RBFOX1: variants seen among roughly 807,000 people sequenced by gnomAD.
RBFOX1 encodes RNA binding protein fox-1 homolog 1.
A neutral mutation model predicts 57.7 loss-of-function variants in RBFOX1; 8 were observed. The observed-to-expected ratio is 0.14, with a 90% CI of 0.08 to 0.25. The LOEUF is 0.25. RBFOX1 is among the 10% of genes least tolerant of loss of function. The pLI is 1.00. For missense variants in RBFOX1, 611 were observed against 548.5 expected (o/e 1.11, Z -1.14); for synonymous variants, 326 against 222.4 (o/e 1.47, Z -4.15).
intron 4 of RBFOX1, among the ~76,000 whole-genome samples, chr16:7,278,197 G>T (rs2095477038): frequency 6.6e-6 from 1 of 152,160 alleles, no homozygotes; most frequent in Non-Finnish European, 1.5e-5. Flanking sequence ...GTTATACTTG[G>T]TGTATGCATT....
At chr16:6,214,787 G>GAGAA in intron 1 of RBFOX1, among the ~76,000 whole-genome samples, 1 of 110,222 alleles carries the variant, frequency 9.1e-6, no homozygotes, top group African/African-American at 3.5e-5. Context: ...GAGGGAGAAG[G>GAGAA]GGAGGGAGAG....
intron 1 of RBFOX1, among the ~76,000 whole-genome samples, chr16:5,449,412 T>C (rs1334787466): frequency 6.6e-6 from 1 of 152,190 alleles, no homozygotes; most frequent in Non-Finnish European, 1.5e-5. Flanking sequence ...AAACCTCAGT[T>C]TCTGTTTATG....
At chr16:6,519,001 C>T (rs1598743576) in intron 2 of RBFOX1, among the ~76,000 whole-genome samples, 1 of 151,854 alleles carries the variant, frequency 6.6e-6, no homozygotes, top group Non-Finnish European at 1.5e-5. Flanking sequence ...AATATTTTCT[C>T]AGTGGGCTCC....
intron 4 of RBFOX1, among the ~76,000 whole-genome samples, chr16:5,983,855 C>T (rs561901881): frequency 3.6e-4 from 52 of 145,604 alleles, no homozygotes; most frequent in African/African-American, 1.3e-3. Flanking sequence ...CCCTCCCTGC[C>T]TTCCTTCTTT....
intron 4 of RBFOX1, among the ~76,000 whole-genome samples, chr16:7,368,854 C>G (rs1199880150): frequency 6.6e-6 from 1 of 151,846 alleles, no homozygotes; most frequent in East Asian, 1.9e-4. Flanking sequence ...GTGAGAAAAG[C>G]AAGCCAGACA....
At chr16:6,834,146 T>C (rs1299279024) in intron 3 of RBFOX1, among the ~76,000 whole-genome samples, 1 of 152,060 alleles carries the variant, frequency 6.6e-6, no homozygotes, top group East Asian at 1.9e-4. Context: ...CCCACTCGGC[T>C]CACCACAACC....
chr16:7,225,130 G>A (rs772740436), intron 4 of RBFOX1, among the ~76,000 whole-genome samples: 3 of 152,060 alleles, frequency 2.0e-5, no homozygotes, highest in Non-Finnish European at 4.4e-5. Flanking sequence ...TCATCATCAC[G>A]GTCATTGTCA....
intron 2 of RBFOX1, among the ~76,000 whole-genome samples, chr16:5,474,037 T>TAAGG (rs2069232584): frequency 6.6e-6 from 1 of 151,230 alleles, no homozygotes; most frequent in South Asian, 2.1e-4. Flanking sequence ...TGGATGGAAG[T>TAAGG]AAGGAAGGAA....
At chr16:6,961,145 C>CTCACACACACACACACA (rs142889433) in intron 3 of RBFOX1, among the ~76,000 whole-genome samples, 2 of 143,770 alleles carry the variant, frequency 1.4e-5, no homozygotes, top group South Asian at 2.2e-4. Context: ...TCACACACAC[C>CTCACACACACACACACA]CACACAGACA....
chr16:7,682,438 C>T (rs138028424), intron 14 of RBFOX1, among the ~76,000 whole-genome samples: 3,319 of 152,044 alleles, frequency 0.022, 57 homozygotes, highest in Middle Eastern at 0.044. Context: ...AGAGAAGCCA[C>T]TTGCAAGTTT....
chr16:7,381,222 C>T (rs538643556), intron 4 of RBFOX1, among the ~76,000 whole-genome samples: 54 of 152,208 alleles, frequency 3.5e-4, no homozygotes, highest in African/African-American at 1.2e-3. Context: ...GGATTGAGGC[C>T]GTGTCTCTCA....
intron 3 of RBFOX1, among the ~76,000 whole-genome samples, chr16:6,738,980 G>C (rs958344477): frequency 6.6e-6 from 1 of 152,152 alleles, no homozygotes; most frequent in African/African-American, 2.4e-5. Flanking sequence ...GTGTGTCGCA[G>C]CCAAAGCAGT....
At chr16:7,483,620 G>C (rs1185402023) in intron 4 of RBFOX1, among the ~76,000 whole-genome samples, 1 of 152,110 alleles carries the variant, frequency 6.6e-6, no homozygotes, top group Admixed American at 6.5e-5. Context: ...GTTCTTATTG[G>C]GGTGGCTGAT....
rs767284610 is a variant in RBFOX1 at position 7,321,125 on chromosome 16, A to ATATACT, written c.28-197011_28-197006dup. Among the ~76,000 whole-genome samples, 374 of 128,308 alleles carry ATATACT rather than the reference A, an allele frequency of 2.9e-3. 2 individuals carry two copies. The highest frequency in any genetic ancestry group is 9.8e-3 in the African/African-American group (349 of 35,628). The allele number at this position is 128,308 out of a possible 152,430, so 84.2% of individuals were successfully genotyped here. ...CATATACATATACATATACATATAC[A>ATATACT]TATACTTATACTTATATTGTTTGTT... On this transcript the variant is annotated intron_variant, in intron 4 of 15. Transcript: ENST00000550418.
At chr16:7,029,521 C>G (rs779824600) in intron 3 of RBFOX1, among the ~76,000 whole-genome samples, 4 of 151,870 alleles carry the variant, frequency 2.6e-5, no homozygotes, top group African/African-American at 4.8e-5. Context: ...GAAGAGAGTG[C>G]TAGCTCTTAA....
At chr16:6,068,092 C>T (rs1291914533) in intron 1 of RBFOX1, among the ~76,000 whole-genome samples, 1 of 116,474 alleles carries the variant, frequency 8.6e-6, no homozygotes, top group African/African-American at 3.2e-5. Context: ...TTAGGCTCTT[C>T]ATTCATTTTT....
chr16:7,333,950 A>C (rs2096738346), intron 4 of RBFOX1, among the ~76,000 whole-genome samples: 1 of 152,136 alleles, frequency 6.6e-6, no homozygotes, highest in Non-Finnish European at 1.5e-5. Flanking sequence ...CTTTGCAATA[A>C]ATTCTGTATC....
rs56131263 is a variant in RBFOX1 at position 6,465,598 on chromosome 16, C to CTGTGTG, written c.-64+148575_-64+148580dup. Reference sequence around the variant, plus strand: ...TCTTCTCAGTTATAGATGTATAGGGCTGTGTGTGTGTGTGTGTGTGTGTGT... The same window carrying CTGTGTG: ...TCTTCTCAGTTATAGATGTATAGGGCTGTGTGTGTGTGTGTGTGTGTGTGTGTGTGT... On this transcript the variant is annotated intron_variant, in intron 2 of 15. Coordinates refer to ENST00000550418, the MANE Select transcript of RBFOX1 (RefSeq NM_018723.4). 0.01 allele frequency among the ~76,000 whole-genome samples: 1,482 copies of CTGTGTG among 145,056 alleles called. 37 individuals are homozygous for CTGTGTG. In the East Asian group the frequency reaches 0.12, roughly 12 times the overall value.
intron 3 of RBFOX1, among the ~76,000 whole-genome samples, chr16:6,702,421 G>C (rs114642592): frequency 6.6e-6 from 1 of 152,126 alleles, no homozygotes; most frequent in East Asian, 1.9e-4. Context: ...TGGCGTGCTG[G>C]CATATGCCTG....
Sources: allele counts gnomAD v4.1 joint callset (sites outside exome capture counted in the v4.1 genomes callset), GRCh38; gene constraint gnomAD v4.1.1; transcripts MANE v1.5; gene names NCBI Gene and HGNC (gene_info 2026-07-23, HGNC 2026-07-21).